Variants in TTF2 observed in about 807,000 individuals in gnomAD.
TTF2 encodes the protein RNA polymerase II termination factor.
A neutral mutation model predicts 142.4 loss-of-function variants in TTF2; 108 were observed. That is an observed-to-expected ratio of 0.76 (90% CI 0.65 to 0.89). The LOEUF (loss-of-function observed/expected upper bound fraction) is 0.89, where lower values mean the gene tolerates loss of function less well. TTF2 is among the 40% of genes least tolerant of loss of function. The pLI, the probability that TTF2 is intolerant of heterozygous loss-of-function variation, is 0.00. For missense variants in TTF2, 1,327 were observed against 1,379.8 expected (o/e 0.96, Z 0.61); for synonymous variants, 483 against 506.2 (o/e 0.95, Z 0.61).
At chr1:117,089,069 T>A in intron 13 of TTF2, 87 bp downstream of exon 13, 1 of 1,388,168 alleles carries the variant, frequency 7.2e-7, no homozygotes, top group Non-Finnish European at 9.7e-7. Context: ...AGCCTTAGTA[T>A]GTGCCAGATT....
intron 20 of TTF2, 135 bp downstream of exon 20, chr1:117,096,434 A>G (rs1359753081): frequency 1.1e-5 from 13 of 1,149,520 alleles, no homozygotes; most frequent in African/African-American, 1.6e-5. Flanking sequence ...CTGGACTGCA[A>G]TAGTGCTATC....
chr1:117,099,876 A>C lies in TTF2; in HGVS notation c.3344+969A>C, dbSNP rs1649444363. The stretch of plus-strand genomic sequence containing the variant: ...CCAGACTTTGCTAAATATAGTGATT[A>C]TGATAGTCTTCCTATGCTCTCTTCT... On this transcript the variant is annotated intron_variant, in intron 22 of 22. Transcript: ENST00000369466. This position sits in a 1 kb window ranked among gnomAD's most constrained non-coding sequence, Gnocchi z 4.3. 6.6e-6 allele frequency among the ~76,000 whole-genome samples: 1 copy of C among 152,238 alleles called. No individual in the cohort carries two copies. The highest frequency in any genetic ancestry group is 1.5e-5 in the Non-Finnish European group (1 of 68,044).
chr1:117,074,913 A>G lies in TTF2; in HGVS notation c.329A>G (p.His110Arg). The change falls in exon 5 of 23, where the codon CAT becomes CGT. Residue 110 changes from histidine to arginine, a missense_variant. By Grantham distance (29) the His-to-Arg change is conservative (BLOSUM62 0). Transcript: ENST00000369466. The part of the protein sequence containing the change: ...KEHSVSNKSQ[H>R]ASETFHHSSN... ...CATTCTGTATCCAATAAGTCTCAGC[A>G]TGCATCTGAGACATTTCATCATTCT... The G allele has an allele frequency of 6.2e-7, 1 of 1,611,312 alleles. No individual in the cohort carries two copies. The highest frequency in any genetic ancestry group is 8.5e-7 in the Non-Finnish European group (1 of 1,179,370).
Position 117,076,405 on chromosome 1 carries a change from A to G in TTF2, c.1390+111A>G, listed in dbSNP as rs570440643. The G allele has an allele frequency of 5.1e-5, 51 of 991,068 alleles. No individual in the cohort carries two copies. The African/African-American group carries it at 7.1e-4, about 14-fold the overall frequency. The allele number at this position is 991,068 out of a possible 1,614,324, so 61.4% of individuals were successfully genotyped here. A position where few individuals can be genotyped will look rare whatever the true frequency, so the allele number is the denominator to read the frequency against. On this transcript the variant is annotated intron_variant, in intron 6 of 22. Coordinates refer to ENST00000369466, the MANE Select transcript of TTF2 (RefSeq NM_003594.4). The surrounding 1 kb of genome is among the most constrained non-coding windows in gnomAD (Gnocchi z 4.6). ...GATTCATTCACTTTTCCATTTTATT[A>G]TCTGCTTCTGAGACTTCTTTCACAT...
intron 10 of TTF2, among the ~76,000 whole-genome samples, chr1:117,082,674 T>G (rs1475026014): frequency 3.9e-5 from 6 of 152,322 alleles, no homozygotes; most frequent in Admixed American, 3.9e-4. Flanking sequence ...ATAGACACTT[T>G]CTATCTTAAC....
rs979864142 is a variant in TTF2, at chr1:117,093,149, G to A, written c.2976+248G>A. Among the ~76,000 whole-genome samples, 1 of 152,220 alleles carries A rather than the reference G, an allele frequency of 6.6e-6. No homozygotes were observed. Among genetic ancestry groups the A allele is most frequent in the Non-Finnish European group, 1.5e-5 (1 of 68,048 alleles). ...GACAACCCCAGCATTGCACTGAAGT[G>A]GGTTTTCTGTCATGGGTCACTGGGG... is the stretch of plus-strand genomic sequence containing the variant. On this transcript the variant is annotated intron_variant, in intron 18 of 22. Transcript: ENST00000369466. The surrounding 1 kb of genome is among the most constrained non-coding windows in gnomAD (Gnocchi z 4.5).
intron 10 of TTF2, among the ~76,000 whole-genome samples, chr1:117,082,713 C>T (rs1291446090): frequency 1.3e-5 from 2 of 152,094 alleles, no homozygotes; most frequent in East Asian, 1.9e-4. Flanking sequence ...GTAACTTTAG[C>T]CAGGCACAGT....
In TTF2 at chr1:117,090,204, C is replaced by G; in HGVS notation, c.2492C>G (p.Pro831Arg). Residue 831 changes from proline (P) to arginine (R), a missense_variant, in exon 14 of 23, where the codon CCT becomes CGT. Transcript: ENST00000369466. The surrounding 1 kb of genome is among the most constrained non-coding windows in gnomAD (Gnocchi z 4.8). The part of the protein sequence containing the change: ...TKDQLDSTGR[P>R]LVILPQRKFQ... ...GACCAGCTGGACTCTACTGGCAGACCTTTGGTAATCAAGTTTGTACCTGTC... is the reference window on the plus strand; with the variant it reads ...GACCAGCTGGACTCTACTGGCAGACGTTTGGTAATCAAGTTTGTACCTGTC... 3 of 1,613,668 alleles carry G rather than the reference C, an allele frequency of 1.9e-6. No homozygotes were observed. Among genetic ancestry groups the G allele is most frequent in the African/African-American group, 1.3e-5 (1 of 75,040 alleles).
In TTF2 at chr1:117,105,765, TGAAAA is replaced by T. The variant is rs948841972; in HGVS notation, c.*4245_*4249del. 2.0e-5 allele frequency: 3 copies of T among 151,896 alleles called. No individual in the cohort carries two copies. Among genetic ancestry groups the T allele is most frequent in the African/African-American group, 4.8e-5 (2 of 41,340 alleles). The allele number at this position is 151,896 out of a possible 1,614,324, so 9.4% of individuals were successfully genotyped here. A position where few individuals can be genotyped will look rare whatever the true frequency, so the allele number is the denominator to read the frequency against. On this transcript the variant is annotated 3_prime_UTR_variant, in exon 23 of 23. Transcript: ENST00000369466. This position sits in a 1 kb window ranked among gnomAD's most constrained non-coding sequence, Gnocchi z 4.7. ...TAAGTGTTTTTGGAACAATTGCTAA[TGAAAA>T]GAAGGAAAAACAGAAAAAAAAAATT...
In TTF2 at chr1:117,077,971, C is replaced by T. The variant is rs780499422; in HGVS notation, c.1629C>T (p.Ile543=). 31 of 1,614,178 alleles carry T rather than the reference C, an allele frequency of 1.9e-5. 1 individual carries two copies. The highest frequency in any genetic ancestry group is 4.4e-5 in the South Asian group (4 of 91,082). ...TGTGGAAAATCACAAGTGAAGCCATCGGTCAACTGCATCGCTCACTTGAGT... is the reference window on the plus strand; with the variant it reads ...TGTGGAAAATCACAAGTGAAGCCATTGGTCAACTGCATCGCTCACTTGAGT... ...HAVWKITSEA[I]GQLHRSLESC... is the part of the protein sequence containing the mutation. The change falls in exon 8 of 23, where the codon ATC becomes ATT. Residue 543 remains isoleucine (I), a synonymous_variant. Transcript: ENST00000369466.
rs977539276 is a variant in TTF2 at position 117,102,457 on chromosome 1, G to A, written c.*933G>A. 1.3e-5 allele frequency: 2 copies of A among 152,168 alleles called. No homozygotes were observed. Among genetic ancestry groups the A allele is most frequent in the African/African-American group, 2.4e-5 (1 of 41,426 alleles). 9.4% of individuals were successfully genotyped at this position (152,168 alleles called of 1,614,324 possible). ...TATCATTGTATTGTTTAGTGTCAGT[G>A]TATCATTTAGTATTTGTATCACTGT... is the stretch of plus-strand genomic sequence containing the variant. On this transcript the variant is annotated 3_prime_UTR_variant, in exon 23 of 23. Transcript: ENST00000369466.
At chr1:117,089,804 T>C (rs1036688667) in intron 13 of TTF2, among the ~76,000 whole-genome samples, 6 of 152,206 alleles carry the variant, frequency 3.9e-5, no homozygotes, top group Non-Finnish European at 8.8e-5. Flanking sequence ...CTGTTGGTTA[T>C]ATGTCTTGTT....
chr1:117,079,744 A>G lies in TTF2; in HGVS notation c.1783+95A>G, dbSNP rs1043131941. On this transcript the variant is annotated intron_variant, in intron 9 of 22. Transcript: ENST00000369466. This position sits in a 1 kb window ranked among gnomAD's most constrained non-coding sequence, Gnocchi z 4.2. ...TTCATTTATTCCTCTCAAGAACTCT[A>G]TGAGGCAGGTACTATTATTCCTCAT... The G allele has an allele frequency of 3.4e-6, 4 of 1,180,124 alleles. No individual in the cohort carries two copies. The highest frequency in any genetic ancestry group is 3.0e-5 in the African/African-American group (2 of 66,518). The allele number at this position is 1,180,124 out of a possible 1,614,324, so 73.1% of individuals were successfully genotyped here. A position where few individuals can be genotyped will look rare whatever the true frequency, so the allele number is the denominator to read the frequency against.
chr1:117,087,095 C>G lies in TTF2; in HGVS notation c.2160+573C>G, dbSNP rs187326316. Among the ~76,000 whole-genome samples the G allele has an allele frequency of 2.6e-5, 4 of 152,186 alleles. No individual in the cohort carries two copies. Among genetic ancestry groups the G allele is most frequent in the Admixed American group, 2.6e-4 (4 of 15,294 alleles). On this transcript the variant is annotated intron_variant, in intron 12 of 22. Coordinates refer to ENST00000369466, the MANE Select transcript of TTF2 (RefSeq NM_003594.4). This position sits in a 1 kb window ranked among gnomAD's most constrained non-coding sequence, Gnocchi z 4.8. ...ATACTCTGAAAATACAGTATTATCC[C>G]AAGAACTCATTTTTCTATATGTTAT... is the stretch of plus-strand genomic sequence containing the variant.
rs1000405612 is a variant in TTF2, at chr1:117,106,530, T to C, written c.*5006T>C. On this transcript the variant is annotated 3_prime_UTR_variant, in exon 23 of 23. Coordinates refer to ENST00000369466, the MANE Select transcript of TTF2 (RefSeq NM_003594.4). ...CTGCTGGGCACTGGAAATATAAAAG[T>C]AAGCAAAAATGAAAAACTATCCTGT... The C allele has an allele frequency of 6.6e-6, 1 of 152,176 alleles. No individual in the cohort carries two copies. Among genetic ancestry groups the C allele is most frequent in the African/African-American group, 2.4e-5 (1 of 41,444 alleles). The allele number at this position is 152,176 out of a possible 1,614,324, so 9.4% of individuals were successfully genotyped here.
In TTF2 at chr1:117,076,656, G is replaced by A; in HGVS notation, c.1406G>A (p.Ser469Asn). Reference protein sequence around the residue: ...LSPEQGTNEKSNSQVPQQSHF... With the variant: ...LSPEQGTNEKNNSQVPQQSHF... ...TTCTGAGCAGGAACTAATGAGAAGA[G>A]TAACAGTCAAGTACCACAGCAGAGT... is the stretch of plus-strand genomic sequence containing the variant. The change falls in exon 7 of 23, where the codon AGT (serine) becomes AAT (asparagine). Residue 469 changes from serine to asparagine, a missense_variant. Coordinates refer to ENST00000369466, the MANE Select transcript of TTF2 (RefSeq NM_003594.4). The surrounding 1 kb of genome is among the most constrained non-coding windows in gnomAD (Gnocchi z 4.6). 6.2e-7 allele frequency: 1 copy of A among 1,611,734 alleles called. No homozygotes were observed. Among genetic ancestry groups the A allele is most frequent in the Non-Finnish European group, 8.5e-7 (1 of 1,178,850 alleles).
chr1:117,072,422 C>CG (rs1656658341), intron 3 of TTF2, among the ~76,000 whole-genome samples: 1 of 102,046 alleles, frequency 9.8e-6, no homozygotes, highest in Non-Finnish European at 1.9e-5. Flanking sequence ...AAGATACGGA[C>CG]TTTTTTTTTT....
chr1:117,068,065 A>C (rs1485836419), intron 3 of TTF2, among the ~76,000 whole-genome samples: 1 of 152,212 alleles, frequency 6.6e-6, no homozygotes, highest in African/African-American at 2.4e-5. Flanking sequence ...GGGGGAAGAA[A>C]TCTTGCCTTG....
At position 117,086,803 on chromosome 1, in the gene TTF2, A is replaced by G. The variant is rs193184017; in HGVS notation, c.2160+281A>G. Among the ~76,000 whole-genome samples, 18 of 152,310 alleles carry G rather than the reference A, an allele frequency of 1.2e-4. No individual in the cohort carries two copies. Among genetic ancestry groups the G allele is most frequent in the African/African-American group, 4.1e-4 (17 of 41,562 alleles). On this transcript the variant is annotated intron_variant, in intron 12 of 22. Transcript: ENST00000369466. The surrounding 1 kb of genome is among the most constrained non-coding windows in gnomAD (Gnocchi z 4.2). ...GGGGGTAATAATCACCTGAATATAT[A>G]AAAGCCTTACTTGTTGCTATTTTTA...
Sources: allele counts gnomAD v4.1 joint callset (sites outside exome capture counted in the v4.1 genomes callset), GRCh38; gene constraint gnomAD v4.1.1; non-coding constraint Gnocchi (gnomAD v3.1); transcripts MANE v1.5; gene names NCBI Gene and HGNC (gene_info 2026-07-23, HGNC 2026-07-21).